DPP10: variants seen among roughly 807,000 people sequenced by gnomAD.
The protein encoded by DPP10 is inactive dipeptidyl peptidase 10.
In DPP10, 33 loss-of-function variants were observed where a neutral mutation model predicts 120.9. That is an observed-to-expected ratio of 0.27 (90% confidence interval 0.21 to 0.37). The LOEUF is 0.37. Among genes scored for constraint, DPP10 ranks in the 10% least tolerant of loss-of-function variants. DPP10 has a pLI of 1.00. For synonymous variants in DPP10, 337 were observed against 326.1 expected (o/e 1.03, Z -0.36); for missense variants, 816 against 942.8 (o/e 0.87, Z 1.76).
chr2:115,161,827 C>CG, intron 1 of DPP10: 1 of 891,112 alleles, frequency 1.1e-6, no homozygotes, highest in Non-Finnish European at 1.5e-6. Context: ...CGCCCCTCCG[C>CG]TCCCCCCACC....
chr2:115,110,221 G>C (rs561342344), intron 1 of DPP10, among the ~76,000 whole-genome samples: 16 of 152,244 alleles, frequency 1.1e-4, no homozygotes, highest in African/African-American at 3.9e-4. Context: ...GTGATGACGA[G>C]GAAAGTCTAA....
chr2:115,611,085 G>A (rs1055758818), intron 5 of DPP10, among the ~76,000 whole-genome samples: 11 of 152,132 alleles, frequency 7.2e-5, no homozygotes, highest in East Asian at 5.8e-4. Flanking sequence ...GCCAGATTGT[G>A]CAACTAATAC....
intron 11 of DPP10, 84 bp downstream of exon 11, chr2:115,753,381 CA>C (rs1188881366): frequency 7.4e-5 from 97 of 1,312,688 alleles, no homozygotes; most frequent in South Asian, 3.2e-4. Flanking sequence ...ATGCTTTGTA[CA>C]AAAAAAATTC....
chr2:115,430,465 A>C (rs1574822988), intron 3 of DPP10, among the ~76,000 whole-genome samples: 1 of 152,310 alleles, frequency 6.6e-6, no homozygotes, highest in East Asian at 1.9e-4. Context: ...ACAGTGGATA[A>C]TAGTAACATT....
intron 1 of DPP10, among the ~76,000 whole-genome samples, chr2:115,184,829 C>T (rs970829986): frequency 2.6e-5 from 4 of 152,090 alleles, no homozygotes. Flanking sequence ...ACAGAATAAT[C>T]TAGTAGAAGC....
intron 3 of DPP10, 37 bp from the exon 4 acceptor site, chr2:115,499,473 A>G (rs1277173933): frequency 2.0e-5 from 30 of 1,497,262 alleles, no homozygotes; most frequent in Non-Finnish European, 2.6e-5. Context: ...TATCTAGTCA[A>G]TGTATTTGTC....
chr2:115,521,024 T>C (rs985733618), intron 4 of DPP10, among the ~76,000 whole-genome samples: 2 of 152,098 alleles, frequency 1.3e-5, no homozygotes, highest in African/African-American at 2.4e-5. Flanking sequence ...TGAGGTCAGA[T>C]GAATCACTTG....
chr2:114,994,189 T>A (rs1182033031), intron 1 of DPP10, among the ~76,000 whole-genome samples: 1 of 152,204 alleles, frequency 6.6e-6, no homozygotes, highest in Non-Finnish European at 1.5e-5. Flanking sequence ...TTAGCATATA[T>A]GTATAAAATA....
intron 1 of DPP10, among the ~76,000 whole-genome samples, chr2:114,807,123 T>C (rs1684801500): frequency 6.6e-6 from 1 of 152,222 alleles, no homozygotes; most frequent in Non-Finnish European, 1.5e-5. Context: ...AATACACTGC[T>C]TAACTAATTG....
At chr2:115,387,069 G>C (rs939545446) in intron 3 of DPP10, among the ~76,000 whole-genome samples, 2 of 152,078 alleles carry the variant, frequency 1.3e-5, no homozygotes, top group African/African-American at 4.8e-5. Flanking sequence ...ATGAAGTAGA[G>C]AGGGATGAGA....
At chr2:115,641,681 C>G (rs1575417793) in intron 5 of DPP10, among the ~76,000 whole-genome samples, 1 of 152,154 alleles carries the variant, frequency 6.6e-6, no homozygotes, top group Admixed American at 6.5e-5. Context: ...CTTATATCCT[C>G]AGTTCCTAGA....
chr2:114,887,501 C>T (rs1233292387), intron 1 of DPP10, among the ~76,000 whole-genome samples: 2 of 152,210 alleles, frequency 1.3e-5, no homozygotes, highest in Non-Finnish European at 2.9e-5. Flanking sequence ...GTCTTACACT[C>T]ACTGAGAAAC....
At chr2:114,875,627 G>A (rs764559388) in intron 1 of DPP10, among the ~76,000 whole-genome samples, 1 of 152,050 alleles carries the variant, frequency 6.6e-6, no homozygotes, top group Non-Finnish European at 1.5e-5. Flanking sequence ...AATATTCAGA[G>A]AAAAATTCAG....
chr2:114,712,898 A>G (rs1204730466), intron 1 of DPP10, among the ~76,000 whole-genome samples: 6 of 152,128 alleles, frequency 3.9e-5, no homozygotes, highest in African/African-American at 1.4e-4. Flanking sequence ...AAGTCTACAT[A>G]GAATATTTGT....
intron 1 of DPP10, among the ~76,000 whole-genome samples, chr2:115,129,441 T>C (rs776186730): frequency 5.9e-5 from 9 of 152,184 alleles, no homozygotes; most frequent in Middle Eastern, 3.2e-3. Context: ...ATTAAGATAA[T>C]TTTTGTTTAT....
chr2:114,811,716 A>G (rs180816890), intron 1 of DPP10, among the ~76,000 whole-genome samples: 1 of 151,738 alleles, frequency 6.6e-6, no homozygotes, highest in Non-Finnish European at 1.5e-5. Flanking sequence ...CCAGCTTTCC[A>G]GCTTCCTCCT....
At chr2:114,624,576 T>C (rs182193935) in intron 1 of DPP10, among the ~76,000 whole-genome samples, 29 of 152,012 alleles carry the variant, frequency 1.9e-4, no homozygotes, top group Admixed American at 7.9e-4. Flanking sequence ...TTGGAGACCT[T>C]TCACTTAAAA....
At chr2:115,815,369 G>A (rs2150038164) in intron 20 of DPP10, among the ~76,000 whole-genome samples, 1 of 152,234 alleles carries the variant, frequency 6.6e-6, no homozygotes, top group Non-Finnish European at 1.5e-5. Flanking sequence ...AAGTTAGTGG[G>A]TTCTTTATAA....
intron 1 of DPP10, among the ~76,000 whole-genome samples, chr2:114,616,005 G>A (rs1419414501): frequency 6.6e-6 from 1 of 152,058 alleles, no homozygotes; most frequent in Non-Finnish European, 1.5e-5. Context: ...AGAGAGAACT[G>A]AACTAAAATT....
Sources: allele counts gnomAD v4.1 joint callset (sites outside exome capture counted in the v4.1 genomes callset), GRCh38; gene constraint gnomAD v4.1.1; transcripts MANE v1.5; gene names NCBI Gene and HGNC (gene_info 2026-07-23, HGNC 2026-07-21).